The following TUSC3 variants were observed in gnomAD, a reference collection of about 807,000 sequenced individuals.
The protein encoded by TUSC3 is dolichyl-diphosphooligosaccharide--protein glycosyltransferase subunit TUSC3.
Under a neutral mutation model 44.8 loss-of-function variants are expected in TUSC3, and 45 were observed. The observed-to-expected ratio is 1.00, with a 90% confidence interval of 0.79 to 1.29. The LOEUF is 1.29. Among genes scored for constraint, TUSC3 ranks in the 50% most tolerant of loss-of-function variants. The pLI, the probability that TUSC3 is intolerant of heterozygous loss-of-function variation, is 0.00. For missense variants in TUSC3, 519 were observed against 437.9 expected, an observed-to-expected ratio of 1.19 and a Z score of -1.65; for synonymous variants, 212 against 152.9, an observed-to-expected ratio of 1.39 and a Z score of -2.85.
chr8:15,456,999 C>G (rs959366891), intron 1 of TUSC3, among the ~76,000 whole-genome samples: 2 of 152,014 alleles, frequency 1.3e-5, no homozygotes, highest in Non-Finnish European at 2.9e-5. Flanking sequence ...GTTACAGAAA[C>G]TAGCAAATGA....
chr8:15,516,492 A>G (rs1055393318), intron 2 of TUSC3, among the ~76,000 whole-genome samples: 5 of 152,102 alleles, frequency 3.3e-5, no homozygotes, highest in African/African-American at 4.8e-5. Context: ...GGCAGGTGAT[A>G]TTTTTCCCCC....
At chr8:15,496,925 G>A (rs7827289) in intron 2 of TUSC3, among the ~76,000 whole-genome samples, 34,609 of 151,950 alleles carry the variant, frequency 0.23, 4,676 homozygotes, top group Non-Finnish European at 0.31. Flanking sequence ...TTCATTGCAC[G>A]AATATTGATA....
At chr8:15,806,692 G>C in the TUSC3 span, 3 of 932,714 alleles carry the variant, frequency 3.2e-6, no homozygotes, top group Non-Finnish European at 1.7e-6. Context: ...GGATACATTT[G>C]TAATCAAAAT....
chr8:15,602,847 T>C lies in TUSC3; in HGVS notation c.139-20233T>C, dbSNP rs546507005. Among the ~76,000 whole-genome samples, 9 of 151,646 alleles carry C rather than the reference T, an allele frequency of 5.9e-5. No individual in the cohort carries two copies. The East Asian group carries it at 1.2e-3, about 20-fold the overall frequency. On this transcript the variant is annotated intron_variant, in intron 1 of 10. Transcript: ENST00000503731. ...CCTTTTATACAAAGAAAAAAGGAACTGAAAGTGATCCATGGAAAAGTAAAA... is the reference window on the plus strand; with the variant it reads ...CCTTTTATACAAAGAAAAAAGGAACCGAAAGTGATCCATGGAAAAGTAAAA...
chr8:15,622,851 T>C (rs976167029), intron 1 of TUSC3, among the ~76,000 whole-genome samples: 3 of 152,060 alleles, frequency 2.0e-5, no homozygotes, highest in Non-Finnish European at 4.4e-5. Context: ...CTTGGATTGC[T>C]GACTTCTCTA....
intron 1 of TUSC3, among the ~76,000 whole-genome samples, chr8:15,581,391 G>A (rs146501918): frequency 0.43 from 62,813 of 146,612 alleles, 14,832 homozygotes; most frequent in Non-Finnish European, 0.52. Flanking sequence ...GAGGAGAGGC[G>A]CTCTGCATTT....
intron 9 of TUSC3, among the ~76,000 whole-genome samples, chr8:15,757,579 C>G (rs1329487940): frequency 6.6e-6 from 1 of 152,092 alleles, no homozygotes; most frequent in Non-Finnish European, 1.5e-5. Flanking sequence ...CATGCTGAGT[C>G]CTGGCTTTGT....
rs568537355 is a variant in TUSC3 at position 15,737,905 on chromosome 8, A to G, written c.863-5633A>G. The stretch of plus-strand genomic sequence containing the variant: ...CAAATGTAATTTTCCCCAAATGGTA[A>G]GTATTATTCAGTCTCTTTTTCAGCC... On this transcript the variant is annotated intron_variant, in intron 7 of 10. Coordinates refer to ENST00000503731, the MANE Select transcript of TUSC3 (RefSeq NM_006765.4). Among the ~76,000 whole-genome samples, 3 of 152,280 alleles carry G rather than the reference A, an allele frequency of 2.0e-5. No homozygotes were observed. In the South Asian group the frequency reaches 6.2e-4, roughly 32 times the overall value.
At chr8:15,460,736 C>T (rs533854639) in intron 1 of TUSC3, among the ~76,000 whole-genome samples, 2 of 152,238 alleles carry the variant, frequency 1.3e-5, no homozygotes, top group South Asian at 2.1e-4. Context: ...CAGTTTCATT[C>T]TCCTACATGT....
intron 1 of TUSC3, among the ~76,000 whole-genome samples, chr8:15,618,665 G>A (rs1382871015): frequency 2.0e-5 from 3 of 152,178 alleles, no homozygotes; most frequent in South Asian, 2.1e-4. Context: ...AGCAGAAGGA[G>A]TACAGTCTAA....
chr8:15,502,072 C>T (rs1032627114), intron 2 of TUSC3, among the ~76,000 whole-genome samples: 2 of 152,118 alleles, frequency 1.3e-5, no homozygotes, highest in African/African-American at 4.8e-5. Flanking sequence ...TGTGTTATCA[C>T]CATCTATCTA....
At chr8:15,828,728 A>T in the TUSC3 span, among the ~76,000 whole-genome samples, 1 of 152,354 alleles carries the variant, frequency 6.6e-6, no homozygotes, top group East Asian at 1.9e-4. Context: ...TACCACAGAC[A>T]GCTGAAATAA....
intron 1 of TUSC3, among the ~76,000 whole-genome samples, chr8:15,616,883 A>C (rs1805008568): frequency 6.6e-6 from 1 of 152,156 alleles, no homozygotes; most frequent in Non-Finnish European, 1.5e-5. Context: ...CAGGCCAAGC[A>C]TAGAACTGCA....
At chr8:15,491,324 G>C (rs1800806352) in intron 2 of TUSC3, among the ~76,000 whole-genome samples, 1 of 152,122 alleles carries the variant, frequency 6.6e-6, no homozygotes, top group South Asian at 2.1e-4. Context: ...ATTTCCCTGT[G>C]AGTAATACGT....
chr8:15,423,655 AC>A (rs1799765419), intron 1 of TUSC3, among the ~76,000 whole-genome samples: 2 of 152,208 alleles, frequency 1.3e-5, no homozygotes, highest in Admixed American at 1.3e-4. Context: ...CTAGAAGTGC[AC>A]ATCCTTGCCC....
At chr8:15,818,560 T>C in the TUSC3 span, among the ~76,000 whole-genome samples, 2 of 152,204 alleles carry the variant, frequency 1.3e-5, no homozygotes, top group African/African-American at 4.8e-5. Flanking sequence ...AATGCACTTC[T>C]AAAGAGTAGA....
intron 1 of TUSC3, among the ~76,000 whole-genome samples, chr8:15,608,272 A>C (rs1403684057): frequency 6.6e-6 from 1 of 151,720 alleles, no homozygotes; most frequent in Non-Finnish European, 1.5e-5. Context: ...CTTTTCCATG[A>C]GTGTTTAATG....
intron 9 of TUSC3, among the ~76,000 whole-genome samples, chr8:15,753,981 A>G (rs1004742752): frequency 7.9e-5 from 12 of 152,110 alleles, no homozygotes; most frequent in South Asian, 2.1e-4. Flanking sequence ...AAGAAGAGAA[A>G]GACCTTTTCC....
upstream of TUSC3, among the ~76,000 whole-genome samples, chr8:15,539,475 C>T (rs1585081461): frequency 6.7e-6 from 1 of 150,366 alleles, no homozygotes; most frequent in African/African-American, 2.4e-5. Context: ...GCCTCAGCCT[C>T]CCAAGTAGAG....
Sources: allele counts gnomAD v4.1 joint callset (sites outside exome capture counted in the v4.1 genomes callset), GRCh38; gene constraint gnomAD v4.1.1; transcripts MANE v1.5; gene names NCBI Gene and HGNC (gene_info 2026-07-23, HGNC 2026-07-21).